The following TTC3 variants were observed in gnomAD, a reference collection of about 807,000 sequenced individuals.
TTC3 encodes the protein E3 ubiquitin-protein ligase TTC3.
A neutral mutation model predicts 249.6 loss-of-function variants in TTC3; 180 were observed. The observed-to-expected ratio is 0.72, with a 90% CI of 0.64 to 0.82. The LOEUF (loss-of-function observed/expected upper bound fraction) is 0.82, where lower values mean the gene tolerates loss of function less well. Among genes scored for constraint, TTC3 ranks in the 40% least tolerant of loss-of-function variants. The pLI is 0.00. For synonymous variants in TTC3, 717 were observed against 805.0 expected, an observed-to-expected ratio of 0.89 and a Z score of 1.85; for missense variants, 2,061 against 2,398.4, an observed-to-expected ratio of 0.86 and a Z score of 2.94.
At chr21:37,107,090 T>G (rs534363620) in intron 10 of TTC3, among the ~76,000 whole-genome samples, 2 of 152,098 alleles carry the variant, frequency 1.3e-5, no homozygotes, top group African/African-American at 4.8e-5. Context: ...TTTTTTTTTT[T>G]TGTACGTAAC....
chr21:37,074,197 G>A (rs1018451844), intron 1 of TTC3, among the ~76,000 whole-genome samples: 1 of 152,212 alleles, frequency 6.6e-6, no homozygotes, highest in African/African-American at 2.4e-5. Flanking sequence ...TCGCCCCCGC[G>A]CCTCTTTCTG....
intron 35 of TTC3, 107 bp downstream of exon 35, chr21:37,172,851 A>G (rs1046242830): frequency 1.5e-6 from 2 of 1,316,650 alleles, no homozygotes; most frequent in African/African-American, 1.5e-5. Context: ...TGGTGGCTAA[A>G]CAAAAGATTC....
intron 11 of TTC3, chr21:37,121,335 C>T (rs567839358): frequency 1.9e-5 from 3 of 153,904 alleles, no homozygotes; most frequent in South Asian, 2.0e-4. Flanking sequence ...TGTCTGCACT[C>T]TTCGGAGGTA....
chr21:37,178,646 G>T (rs1443540283), intron 35 of TTC3, among the ~76,000 whole-genome samples: 1 of 152,114 alleles, frequency 6.6e-6, no homozygotes, highest in Non-Finnish European at 1.5e-5. Flanking sequence ...AATTGAGTTT[G>T]TCTTTCTATT....
Position 37,200,229 on chromosome 21 carries a change from C to A in TTC3, c.5851-3C>A, listed in dbSNP as rs138963073. On this transcript the variant is annotated splice_polypyrimidine_tract_variant and splice_region_variant and intron_variant, in intron 44 of 45. Coordinates refer to ENST00000355666, the Ensembl canonical transcript of TTC3. The stretch of plus-strand genomic sequence containing the variant: ...TACTATTCAGGTGTGTTTGTTTCCA[C>A]AGGCACTGGGTGCAAGTTCCTGTGA... 385 of 1,613,956 alleles carry A rather than the reference C, an allele frequency of 2.4e-4. 1 individual carries two copies. Among genetic ancestry groups the A allele is most frequent in the Admixed American group, 5.2e-4 (31 of 59,970 alleles).
In TTC3 at chr21:37,164,267, T is replaced by A. The variant is rs1482624678; in HGVS notation, c.3335+52T>A. On this transcript the variant is annotated intron_variant, in intron 32 of 45. Transcript: ENST00000355666. ...ATTATTTTATACTAAGGCTGCCAATTAAAGATCAGAAGTTGTTTAATTTGT... is the reference window on the plus strand; with the variant it reads ...ATTATTTTATACTAAGGCTGCCAATAAAAGATCAGAAGTTGTTTAATTTGT... 4.2e-6 allele frequency: 6 copies of A among 1,428,762 alleles called. No individual in the cohort carries two copies. The African/African-American group carries it at 8.8e-5, about 21-fold the overall frequency. The allele number at this position is 1,428,762 out of a possible 1,614,324, so 88.5% of individuals were successfully genotyped here.
rs148632965 is a variant in TTC3, at chr21:37,201,787, G to A, written c.*213G>A. 179 of 661,416 alleles carry A rather than the reference G, an allele frequency of 2.7e-4. 1 individual carries two copies. The highest frequency in any genetic ancestry group is 2.5e-3 in the African/African-American group (137 of 54,732). 41.0% of individuals were successfully genotyped at this position (661,416 alleles called of 1,614,324 possible). On this transcript the variant is annotated 3_prime_UTR_variant, in exon 46 of 46. Transcript: ENST00000355666. The stretch of plus-strand genomic sequence containing the variant: ...TGCCAACAGTGGCTAATAAAATGAC[G>A]GCTACCACACTCATGGGTCACTGGG...
At chr21:37,191,013 C>T (rs147721175) in intron 39 of TTC3, among the ~76,000 whole-genome samples, 163 of 152,250 alleles carry the variant, frequency 1.1e-3, no homozygotes, top group South Asian at 3.7e-3. Context: ...TAAATGCAGA[C>T]GCTGTCTTTA....
intron 19 of TTC3, among the ~76,000 whole-genome samples, chr21:37,140,084 T>G (rs2078298307): frequency 6.6e-6 from 1 of 152,198 alleles, no homozygotes. Flanking sequence ...CTATGTTAAG[T>G]GTTTACTAAT....
intron 11 of TTC3, among the ~76,000 whole-genome samples, chr21:37,113,880 G>A (rs894197454): frequency 5.3e-5 from 8 of 152,086 alleles, no homozygotes; most frequent in African/African-American, 1.9e-4. Context: ...CAGAAATAGT[G>A]CCACATATCT....
intron 10 of TTC3, 90 bp from the exon 11 acceptor site, chr21:37,108,302 C>A: frequency 2.0e-6 from 2 of 1,000,622 alleles, no homozygotes; most frequent in South Asian, 1.9e-5. Context: ...AGATAATATA[C>A]ATGGAAAATT....
At chr21:37,181,607 A>G (rs1410626086) in intron 35 of TTC3, among the ~76,000 whole-genome samples, 2 of 152,230 alleles carry the variant, frequency 1.3e-5, no homozygotes, top group African/African-American at 2.4e-5. Context: ...CTGTTGTTCA[A>G]TTTTTGCCAC....
intron 1 of TTC3, among the ~76,000 whole-genome samples, chr21:37,079,880 C>T (rs1291005202): frequency 6.6e-6 from 1 of 151,860 alleles, no homozygotes; most frequent in Non-Finnish European, 1.5e-5. Flanking sequence ...TATATGTGTT[C>T]CCCTTTTCTC....
chr21:37,170,578 C>T (rs1037717651), intron 34 of TTC3, among the ~76,000 whole-genome samples: 4 of 152,026 alleles, frequency 2.6e-5, no homozygotes, highest in Admixed American at 2.0e-4. Flanking sequence ...CCATCAATAG[C>T]GGACTAGTTA....
intron 10 of TTC3, 120 bp downstream of exon 10, chr21:37,096,763 T>A: frequency 1.4e-6 from 1 of 714,516 alleles, no homozygotes; most frequent in Non-Finnish European, 2.4e-6. Flanking sequence ...CAGAAATACT[T>A]AAGTGGTTAA....
chr21:37,201,603 G>A (rs776139832), exon 46 of TTC3: 2 of 1,597,408 alleles, frequency 1.3e-6, no homozygotes, highest in Non-Finnish European at 1.7e-6. Context: ...TCATCCACCA[G>A]TGTGTTGAAT....
intron 35 of TTC3, among the ~76,000 whole-genome samples, chr21:37,177,841 A>G (rs1296783667): frequency 1.3e-5 from 2 of 152,236 alleles, no homozygotes; most frequent in African/African-American, 2.4e-5. Flanking sequence ...TAACCATAGC[A>G]TAACATTTAC....
intron 34 of TTC3, among the ~76,000 whole-genome samples, chr21:37,167,982 G>A (rs2081395857): frequency 1.3e-5 from 2 of 151,956 alleles, no homozygotes; most frequent in South Asian, 4.1e-4. Flanking sequence ...TAATTTATAA[G>A]TAAGCTTATT....
chr21:37,090,267 T>C (rs745613072), exon 6 of TTC3: 2 of 1,607,152 alleles, frequency 1.2e-6, no homozygotes, highest in Non-Finnish European at 1.7e-6. Context: ...TTATTGAGAA[T>C]TGGTTGTAAA....
Sources: allele counts gnomAD v4.1 joint callset (sites outside exome capture counted in the v4.1 genomes callset), GRCh38; gene constraint gnomAD v4.1.1; transcripts MANE v1.5; gene names NCBI Gene and HGNC (gene_info 2026-07-23, HGNC 2026-07-21).